Variants in XKR4 observed in about 807,000 individuals in gnomAD.
The protein encoded by XKR4 is XK related 4.
XKR4 carries 12 observed loss-of-function variants against 53.9 expected under a neutral mutation model. The ratio of observed to expected loss-of-function variants is 0.22; its 90% confidence interval spans 0.14 to 0.36. The LOEUF (loss-of-function observed/expected upper bound fraction) is 0.36. Among genes scored for constraint, XKR4 ranks in the 10% least tolerant of loss-of-function variants. The pLI is 1.00. For synonymous variants in XKR4, 354 were observed against 362.4 expected (o/e 0.98, Z 0.26); for missense variants, 799 against 859.5 (o/e 0.93, Z 0.88).
chr8:55,455,124 C>G, intron 2 of XKR4: 1 of 631,578 alleles, frequency 1.6e-6, no homozygotes, highest in Non-Finnish European at 2.9e-6. Context: ...AGGAAGTAGT[C>G]TGTGATCCGC....
intron 2 of XKR4, among the ~76,000 whole-genome samples, chr8:55,376,009 T>G (rs1327787604): frequency 6.6e-6 from 1 of 152,204 alleles, no homozygotes; most frequent in Non-Finnish European, 1.5e-5. Context: ...ATTAGTTTGT[T>G]GAGAATAATG....
At chr8:55,468,846 C>T (rs1805827682) in intron 2 of XKR4, among the ~76,000 whole-genome samples, 1 of 152,090 alleles carries the variant, frequency 6.6e-6, no homozygotes, top group Admixed American at 6.6e-5. Context: ...TTTTCAAATT[C>T]CCAGTCTAAA....
chr8:55,446,786 A>G (rs966203734), intron 2 of XKR4, among the ~76,000 whole-genome samples: 1 of 152,252 alleles, frequency 6.6e-6, no homozygotes, highest in Non-Finnish European at 1.5e-5. Flanking sequence ...TTTGCCAGGC[A>G]GTATCTTCTG....
intron 1 of XKR4, among the ~76,000 whole-genome samples, chr8:55,168,498 T>A (rs1817101768): frequency 6.6e-6 from 1 of 152,224 alleles, no homozygotes; most frequent in African/African-American, 2.4e-5. Flanking sequence ...TCTGTTCCTG[T>A]GCTTTGAGTA....
chr8:55,179,001 A>C (rs1817273248), intron 1 of XKR4, among the ~76,000 whole-genome samples: 1 of 152,168 alleles, frequency 6.6e-6, no homozygotes, highest in South Asian at 2.1e-4. Context: ...CTAGGGAAAT[A>C]TGAATGATAG....
intron 2 of XKR4, among the ~76,000 whole-genome samples, chr8:55,475,082 T>G (rs1805958133): frequency 6.6e-6 from 1 of 152,046 alleles, no homozygotes; most frequent in Admixed American, 6.6e-5. Flanking sequence ...TGCAAAATAA[T>G]ACAATAAATA....
At position 55,103,313 on chromosome 8, in the gene XKR4, G is replaced by A. The variant is rs1257953709; in HGVS notation, c.806+19G>A. On this transcript the variant is annotated intron_variant, in intron 1 of 2. Coordinates refer to ENST00000327381, the MANE Select transcript of XKR4 (RefSeq NM_052898.2). ...TCTGGAGGTACTGTAATGGGTGGGGGAAAAGGGAGGCTTGCTGCTGCTACT... is the reference window on the plus strand; with the variant it reads ...TCTGGAGGTACTGTAATGGGTGGGGAAAAAGGGAGGCTTGCTGCTGCTACT... The A allele has an allele frequency of 6.4e-7, 1 of 1,570,194 alleles. No individual in the cohort carries two copies. Among genetic ancestry groups the A allele is most frequent in the Non-Finnish European group, 8.7e-7 (1 of 1,155,890 alleles).
intron 1 of XKR4, among the ~76,000 whole-genome samples, chr8:55,259,692 C>T (rs1403538851): frequency 2.6e-5 from 4 of 152,058 alleles, no homozygotes; most frequent in Non-Finnish European, 5.9e-5. Flanking sequence ...AATTATTAGC[C>T]CTATTGATCT....
chr8:55,483,456 G>A (rs920237600), intron 2 of XKR4, among the ~76,000 whole-genome samples: 3 of 152,066 alleles, frequency 2.0e-5, no homozygotes, highest in Non-Finnish European at 2.9e-5. Flanking sequence ...GGTTTTCGTT[G>A]CAAGAAGTAA....
intron 1 of XKR4, among the ~76,000 whole-genome samples, chr8:55,277,639 A>G (rs1818782389): frequency 2.0e-5 from 3 of 152,140 alleles, no homozygotes; most frequent in Non-Finnish European, 2.9e-5. Context: ...TCTACTTTCT[A>G]GGTGTGTCGA....
chr8:55,467,734 T>C (rs145984344), intron 2 of XKR4, among the ~76,000 whole-genome samples: 2 of 152,284 alleles, frequency 1.3e-5, no homozygotes, highest in Non-Finnish European at 2.9e-5. Flanking sequence ...AGAGAACAAG[T>C]ATTGAATTCT....
At chr8:55,199,341 T>C (rs1461892200) in intron 1 of XKR4, among the ~76,000 whole-genome samples, 4 of 152,238 alleles carry the variant, frequency 2.6e-5, no homozygotes, top group African/African-American at 9.6e-5. Flanking sequence ...GGACAGGAGA[T>C]AATGAATCAA....
intron 2 of XKR4, chr8:55,454,617 C>G: frequency 7.8e-7 from 1 of 1,275,432 alleles, no homozygotes; most frequent in South Asian, 1.3e-5. Flanking sequence ...AAATCGTCCT[C>G]TACTAGCCCC....
chr8:55,441,221 C>A (rs1179157367), intron 2 of XKR4, among the ~76,000 whole-genome samples: 1 of 151,368 alleles, frequency 6.6e-6, no homozygotes, highest in African/African-American at 2.4e-5. Context: ...GCCTGGGTGA[C>A]AGGGTAAGAC....
At chr8:55,232,134 C>T (rs933634957) in intron 1 of XKR4, among the ~76,000 whole-genome samples, 5 of 152,246 alleles carry the variant, frequency 3.3e-5, no homozygotes, top group African/African-American at 9.6e-5. Flanking sequence ...AGTCATTTTC[C>T]GTTGGGTTGT....
intron 2 of XKR4, among the ~76,000 whole-genome samples, chr8:55,505,491 CA>C (rs1806514110): frequency 6.6e-6 from 1 of 152,138 alleles, no homozygotes; most frequent in Non-Finnish European, 1.5e-5. Flanking sequence ...TTCCAGGTTG[CA>C]GTGAGCTATG....
intron 2 of XKR4, among the ~76,000 whole-genome samples, chr8:55,364,284 G>A (rs1458056004): frequency 1.3e-5 from 2 of 152,166 alleles, no homozygotes; most frequent in Admixed American, 6.5e-5. Flanking sequence ...TCTATCTGAC[G>A]CGCGAGTCTT....
intron 1 of XKR4, among the ~76,000 whole-genome samples, chr8:55,355,500 A>G (rs1027913922): frequency 6.6e-6 from 1 of 152,234 alleles, no homozygotes; most frequent in Non-Finnish European, 1.5e-5. Flanking sequence ...ACCTGAAGCT[A>G]TATAATGAAG....
intron 2 of XKR4, among the ~76,000 whole-genome samples, chr8:55,409,316 C>T (rs770827450): frequency 1.3e-5 from 2 of 152,218 alleles, no homozygotes; most frequent in Non-Finnish European, 1.5e-5. Flanking sequence ...CGAGTGAGAC[C>T]GAGCTTGTGG....
Sources: gnomAD v4.1 joint callset for allele counts (sites outside exome capture counted in the v4.1 genomes callset) on GRCh38, gnomAD v4.1.1 for gene constraint, MANE v1.5 for transcripts, NCBI Gene and HGNC (gene_info 2026-07-23, HGNC 2026-07-21) for gene names.